Variants in XPNPEP3 observed in about 807,000 individuals in gnomAD.
XPNPEP3 encodes the protein xaa-Pro aminopeptidase 3.
XPNPEP3 carries 41 observed loss-of-function variants against 60.0 expected under a neutral mutation model. The ratio of observed to expected loss-of-function variants is 0.68; its 90% CI spans 0.53 to 0.89. XPNPEP3 has a LOEUF of 0.89. Among genes scored for constraint, XPNPEP3 ranks in the 40% least tolerant of loss-of-function variants. XPNPEP3 has a pLI of 0.00. For synonymous variants in XPNPEP3, 212 were observed against 223.2 expected, an observed-to-expected ratio of 0.95 and a Z score of 0.45; for missense variants, 598 against 638.9, an observed-to-expected ratio of 0.94 and a Z score of 0.69.
At chr22:40,921,484 T>TC (rs2058216398) in intron 7 of XPNPEP3, among the ~76,000 whole-genome samples, 1 of 142,112 alleles carries the variant, frequency 7.0e-6, no homozygotes, top group Non-Finnish European at 1.5e-5. Context: ...AGACCTTGTC[T>TC]CTAAAAAAAA....
At chr22:40,906,346 A>G (rs747323012) in intron 4 of XPNPEP3, among the ~76,000 whole-genome samples, 2 of 151,470 alleles carry the variant, frequency 1.3e-5, no homozygotes, top group South Asian at 2.1e-4. Context: ...ACTTGAGCCC[A>G]GGAGTTTGAG....
intron 3 of XPNPEP3, among the ~76,000 whole-genome samples, chr22:40,885,159 ACATAGAAT>A (rs2058063819): frequency 1.3e-5 from 2 of 152,194 alleles, no homozygotes; most frequent in African/African-American, 2.4e-5. Flanking sequence ...ATCACATAGG[ACATAGAAT>A]CATAGAATCA....
At chr22:40,922,239 C>T in intron 7 of XPNPEP3, 94 bp from the exon 8 acceptor site, 1 of 1,452,538 alleles carries the variant, frequency 6.9e-7, no homozygotes, top group South Asian at 1.2e-5. Flanking sequence ...CCAGCAACAG[C>T]AGCATCTTGG....
At chr22:40,859,143 G>A (rs1014690428) in intron 1 of XPNPEP3, among the ~76,000 whole-genome samples, 2 of 152,152 alleles carry the variant, frequency 1.3e-5, no homozygotes, top group African/African-American at 4.8e-5. Context: ...CCTTTTCTGT[G>A]ATGAATCTTG....
At chr22:40,914,384 G>A in intron 7 of XPNPEP3, 60 bp downstream of exon 7, 2 of 1,397,456 alleles carry the variant, frequency 1.4e-6, no homozygotes, top group East Asian at 2.3e-5. Flanking sequence ...TTGGAATATG[G>A]CTATATTTGG....
At chr22:40,862,090 T>A in intron 1 of XPNPEP3, 1 of 1,514,360 alleles carries the variant, frequency 6.6e-7, no homozygotes, top group Non-Finnish European at 8.8e-7. Flanking sequence ...AGGTAGTGAC[T>A]GCAAATAGGT....
At chr22:40,889,321 A>G (rs1340254148) in intron 4 of XPNPEP3, among the ~76,000 whole-genome samples, 1 of 152,176 alleles carries the variant, frequency 6.6e-6, no homozygotes, top group Admixed American at 6.5e-5. Context: ...CAACATGTCC[A>G]GCATCCTCTT....
chr22:40,903,022 A>G (rs192886134), intron 4 of XPNPEP3, among the ~76,000 whole-genome samples: 25 of 152,316 alleles, frequency 1.6e-4, no homozygotes, highest in Non-Finnish European at 7.3e-5. Context: ...TCCCTGCTAC[A>G]TAATGGTAAA....
chr22:40,913,296 G>A (rs1188324241), intron 6 of XPNPEP3, among the ~76,000 whole-genome samples: 1 of 151,956 alleles, frequency 6.6e-6, no homozygotes, highest in Non-Finnish European at 1.5e-5. Flanking sequence ...TAGTTAGCCA[G>A]GTGTGGTGGC....
At position 40,927,449 on chromosome 22, in the gene XPNPEP3, G is replaced by A. The variant is rs555836046; in HGVS notation, c.*1014G>A. ...AGCTCATGCGACTGCACTCCAGCCT[G>A]GGTGACTGAGCAAGACTCTGCCTCA... On this transcript the variant is annotated 3_prime_UTR_variant, in exon 10 of 10. Coordinates refer to ENST00000357137, the MANE Select transcript of XPNPEP3 (RefSeq NM_022098.4). 6.6e-6 allele frequency: 1 copy of A among 152,168 alleles called. No individual in the cohort carries two copies. The highest frequency in any genetic ancestry group is 6.5e-5 in the Admixed American group (1 of 15,282). 9.4% of individuals were successfully genotyped at this position (152,168 alleles called of 1,614,324 possible). A position where few individuals can be genotyped will look rare whatever the true frequency, so the allele number is the denominator to read the frequency against.
Position 40,924,464 on chromosome 22 carries a change from G to A in XPNPEP3, c.1339G>A (p.Val447Ile). ...PRSLPLQPGM[V>I]ITIEPGIYIP... ...TTCCCTCCCTCTGCAGCCTGGGATG[G>A]TAATCACAATTGAGCCCGGTAAGGA... Residue 447 changes from valine to isoleucine, a missense_variant, in exon 9 of 10, where the codon GTA becomes ATA. By Grantham distance (29) the Val-to-Ile change is conservative. Coordinates refer to ENST00000357137, the MANE Select transcript of XPNPEP3 (RefSeq NM_022098.4). The A allele has an allele frequency of 1.9e-6, 3 of 1,614,118 alleles. No individual in the cohort carries two copies.
chr22:40,924,229 C>T, intron 8 of XPNPEP3, 133 bp from the exon 9 acceptor site: 6 of 1,292,508 alleles, frequency 4.6e-6, no homozygotes, highest in Non-Finnish European at 6.7e-6. Flanking sequence ...AAGTATTAGC[C>T]CAAGGAGGGA....
intron 2 of XPNPEP3, among the ~76,000 whole-genome samples, chr22:40,872,197 C>A (rs1398629975): frequency 1.3e-5 from 2 of 152,134 alleles, no homozygotes; most frequent in East Asian, 3.8e-4. Flanking sequence ...AAATTCTGTT[C>A]TGGCTGTGCT....
intron 8 of XPNPEP3, among the ~76,000 whole-genome samples, chr22:40,923,878 T>C (rs1466582138): frequency 1.3e-5 from 2 of 151,740 alleles, no homozygotes; most frequent in Non-Finnish European, 2.9e-5. Flanking sequence ...ATACCCAAGC[T>C]GGTAGGTGCC....
At chr22:40,885,440 A>C (rs1429343203) in intron 3 of XPNPEP3, among the ~76,000 whole-genome samples, 1 of 152,228 alleles carries the variant, frequency 6.6e-6, no homozygotes, top group Admixed American at 6.5e-5. Flanking sequence ...GATTGTTTAC[A>C]AAGAGAATGT....
intron 4 of XPNPEP3, among the ~76,000 whole-genome samples, chr22:40,890,159 A>G (rs1192869792): frequency 6.6e-6 from 1 of 152,174 alleles, no homozygotes; most frequent in Non-Finnish European, 1.5e-5. Context: ...AAGCTCCTAA[A>G]ATATTAATTT....
chr22:40,862,549 C>A (rs372419392), intron 1 of XPNPEP3: 3 of 985,414 alleles, frequency 3.0e-6, no homozygotes, highest in Non-Finnish European at 3.6e-6. Context: ...AACTTAGTTA[C>A]AATATAATAG....
intron 2 of XPNPEP3, among the ~76,000 whole-genome samples, chr22:40,879,264 T>C (rs967099539): frequency 3.3e-5 from 5 of 152,216 alleles, no homozygotes; most frequent in African/African-American, 9.6e-5. Context: ...CCTCCACTTA[T>C]CACTCTCTCT....
intron 4 of XPNPEP3, among the ~76,000 whole-genome samples, chr22:40,896,432 G>A (rs2058108404): frequency 6.6e-6 from 1 of 152,126 alleles, no homozygotes; most frequent in African/African-American, 2.4e-5. Flanking sequence ...CTGGGAGGCT[G>A]AGGCAGGCGA....
Sources: gnomAD v4.1 joint callset for allele counts (sites outside exome capture counted in the v4.1 genomes callset) on GRCh38, gnomAD v4.1.1 for gene constraint, MANE v1.5 for transcripts, NCBI Gene and HGNC (gene_info 2026-07-23, HGNC 2026-07-21) for gene names.